Variants in BAG1 observed in about 807,000 individuals in gnomAD.
BAG1 encodes the protein BAG family molecular chaperone regulator 1.
In BAG1, 35 loss-of-function variants were observed where a neutral mutation model predicts 35.5. The observed-to-expected ratio is 0.99, with a 90% CI of 0.75 to 1.31. The LOEUF (loss-of-function observed/expected upper bound fraction) is 1.31, where lower values mean the gene tolerates loss of function less well. Among genes scored for constraint, BAG1 ranks in the 50% most tolerant of loss-of-function variants. BAG1 has a pLI of 0.00. For missense variants in BAG1, 464 were observed against 453.6 expected, an observed-to-expected ratio of 1.02 and a Z score of -0.21; for synonymous variants, 191 against 178.9, an observed-to-expected ratio of 1.07 and a Z score of -0.54.
At chr9:33,262,957 C>A in intron 1 of BAG1, 127 bp from the exon 2 acceptor site, 1 of 1,337,578 alleles carries the variant, frequency 7.5e-7, no homozygotes, top group Non-Finnish European at 1.0e-6. Context: ...TCCACAGAGC[C>A]TGCCCCCATG....
chr9:33,258,781 C>G (rs1820508682), intron 4 of BAG1, 139 bp downstream of exon 4: 1 of 626,484 alleles, frequency 1.6e-6, no homozygotes. Context: ...CAAAGATAAA[C>G]TTGTTCACAG....
intron 5 of BAG1, 128 bp from the exon 6 acceptor site, chr9:33,256,055 A>G (rs72723038): frequency 3.7e-6 from 3 of 812,484 alleles, no homozygotes; most frequent in South Asian, 1.5e-5. Context: ...CAGGTCACCA[A>G]TGTAAATGTG....
At chr9:33,261,988 A>G (rs1587791046) in intron 2 of BAG1, 1 of 1,184,182 alleles carries the variant, frequency 8.4e-7, no homozygotes, top group East Asian at 5.9e-5. Context: ...TGTTATTTTA[A>G]CAGAGAAATC....
At chr9:33,255,351 G>T in intron 6 of BAG1, 43 bp from the exon 7 acceptor site, 1 of 1,613,158 alleles carries the variant, frequency 6.2e-7, no homozygotes. Flanking sequence ...TCCAGGGGTA[G>T]CCGACCACTG....
At chr9:33,262,110 G>A (rs998543023) in intron 2 of BAG1, 32 of 1,289,106 alleles carry the variant, frequency 2.5e-5, no homozygotes, top group African/African-American at 3.0e-5. Flanking sequence ...CTAACCTAGC[G>A]AGGGAAGACT....
At chr9:33,262,887 G>C in intron 1 of BAG1, 57 bp from the exon 2 acceptor site, 1 of 1,595,152 alleles carries the variant, frequency 6.3e-7, no homozygotes, top group Non-Finnish European at 8.6e-7. Flanking sequence ...ACCAATATAG[G>C]ATGACACTTT....
At position 33,253,112 on chromosome 9, in the gene BAG1, T is replaced by C. The variant is rs939720663; in HGVS notation, c.*2107A>G. The C allele has an allele frequency of 2.0e-5, 3 of 152,090 alleles. No homozygotes were observed. Among genetic ancestry groups the C allele is most frequent in the African/African-American group, 7.2e-5 (3 of 41,388 alleles). The allele number at this position is 152,090 out of a possible 1,614,324, so 9.4% of individuals were successfully genotyped here. A position where few individuals can be genotyped will look rare whatever the true frequency, so the allele number is the denominator to read the frequency against. On this transcript the variant is annotated 3_prime_UTR_variant, in exon 7 of 7. Transcript: ENST00000634734. ...CTGACATGGCAAGATTTGCACTTCATGATCACTCGGGCTGCTCTAAAGAAA... is the reference window on the plus strand; with the variant it reads ...CTGACATGGCAAGATTTGCACTTCACGATCACTCGGGCTGCTCTAAAGAAA...
chr9:33,262,043 T>C (rs769930072), intron 2 of BAG1: 8 of 1,225,412 alleles, frequency 6.5e-6, no homozygotes, highest in Non-Finnish European at 8.4e-6. Flanking sequence ...AGTAATTTCA[T>C]AGAAGTGATG....
At chr9:33,257,845 T>C (rs1587787706) in intron 4 of BAG1, 1 of 152,246 alleles carries the variant, frequency 6.6e-6, no homozygotes, top group Non-Finnish European at 1.5e-5. Flanking sequence ...AATAACATTA[T>C]ATCAAATTTT....
chr9:33,256,026 C>T (rs59088018), intron 5 of BAG1, 99 bp from the exon 6 acceptor site: 2 of 1,124,246 alleles, frequency 1.8e-6, no homozygotes, highest in Non-Finnish European at 2.7e-6. Flanking sequence ...GAAACACCCA[C>T]AGTACACAAA....
intron 6 of BAG1, 64 bp from the exon 7 acceptor site, chr9:33,255,372 G>C (rs1002166562): frequency 9.6e-5 from 155 of 1,609,806 alleles, no homozygotes; most frequent in Non-Finnish European, 1.3e-4. Context: ...CCCACACAAG[G>C]CTCCTTGCTT....
In BAG1 at chr9:33,264,535, G is replaced by A. The variant is rs1482138165; in HGVS notation, c.140C>T (p.Pro47Leu). Residue 47 changes from proline (P) to leucine (L), a missense_variant, in exon 1 of 7, where the codon CCA (proline) becomes CTA (leucine). Transcript: ENST00000634734. ...CCCGCTGGCAGTACTCCGGGCAGGT[G>A]GACGCCCAGAGGGAGGCGGACCACG... 6.4e-7 allele frequency: 1 copy of A among 1,560,936 alleles called. No homozygotes were observed. Among genetic ancestry groups the A allele is most frequent in the Non-Finnish European group, 8.6e-7 (1 of 1,158,358 alleles).
chr9:33,255,785 C>T (rs755980886), intron 6 of BAG1, 80 bp downstream of exon 6: 8 of 1,491,216 alleles, frequency 5.4e-6, no homozygotes, highest in Non-Finnish European at 7.5e-6. Context: ...CGCTCCTACA[C>T]TACCTGATTT....
At chr9:33,257,527 T>C (rs886203182) in intron 4 of BAG1, 3 of 152,210 alleles carry the variant, frequency 2.0e-5, no homozygotes, top group African/African-American at 7.2e-5. Flanking sequence ...TGAGGATGTT[T>C]ATCACAGCCA....
At position 33,254,341 on chromosome 9, in the gene BAG1, T is replaced by C. The variant is rs551601720; in HGVS notation, c.*878A>G. On this transcript the variant is annotated 3_prime_UTR_variant, in exon 7 of 7. Transcript: ENST00000634734. ...GGTGGGGGACAGTCCACAAAATGGA[T>C]AGAACAGCTGTGAAGGAAACATAGA... 6.6e-6 allele frequency: 1 copy of C among 152,040 alleles called. No homozygotes were observed. The highest frequency in any genetic ancestry group is 1.5e-5 in the Non-Finnish European group (1 of 68,080). 9.4% of individuals were successfully genotyped at this position (152,040 alleles called of 1,614,324 possible).
chr9:33,255,853 T>C lies in BAG1; in HGVS notation c.948+12A>G. On this transcript the variant is annotated intron_variant, in intron 6 of 6. Coordinates refer to ENST00000634734, the MANE Select transcript of BAG1 (RefSeq NM_004323.6). ...CATATTACACCTTGTCGTGCACTATTACACAACTCACCTGAACCTTTTTTA... is the reference window on the plus strand; with the variant it reads ...CATATTACACCTTGTCGTGCACTATCACACAACTCACCTGAACCTTTTTTA... 6.2e-7 allele frequency: 1 copy of C among 1,611,042 alleles called. No homozygotes were observed. The highest frequency in any genetic ancestry group is 8.5e-7 in the Non-Finnish European group (1 of 1,177,116).
chr9:33,262,514 G>A (rs1259371867), intron 2 of BAG1, among the ~76,000 whole-genome samples, 188 bp downstream of exon 2: 10 of 151,980 alleles, frequency 6.6e-5, no homozygotes, highest in African/African-American at 1.9e-4. Context: ...AAAATTAGCC[G>A]GGCATGGTGG....
chr9:33,257,883 T>C (rs925355920), intron 4 of BAG1: 19 of 152,206 alleles, frequency 1.2e-4, no homozygotes, highest in Non-Finnish European at 5.9e-5. Flanking sequence ...ATTTCAGGCT[T>C]TGGTAATCGT....
At chr9:33,256,756 T>C in intron 5 of BAG1, 45 bp downstream of exon 5, 1 of 1,500,972 alleles carries the variant, frequency 6.7e-7, no homozygotes, top group Non-Finnish European at 9.3e-7. Context: ...GTGACTGAAA[T>C]AAAGTCAAAG....
Sources: allele counts gnomAD v4.1 joint callset (sites outside exome capture counted in the v4.1 genomes callset), GRCh38; gene constraint gnomAD v4.1.1; transcripts MANE v1.5; gene names NCBI Gene and HGNC (gene_info 2026-07-23, HGNC 2026-07-21).